Variants in MTUS1 observed in about 807,000 individuals in gnomAD.
The protein encoded by MTUS1 is microtubule associated scaffold protein 1, also known as microtubule-associated tumor suppressor 1.
In MTUS1, 109 loss-of-function variants were observed where a neutral mutation model predicts 120.8. The ratio of observed to expected loss-of-function variants is 0.90; its 90% confidence interval spans 0.77 to 1.06. MTUS1 has a LOEUF of 1.06. Among genes scored for constraint, MTUS1 ranks in the 50% least tolerant of loss-of-function variants. The pLI is 0.00. For synonymous variants in MTUS1, 737 were observed against 550.5 expected (o/e 1.34, Z -4.74); for missense variants, 2,210 against 1,486.3 (o/e 1.49, Z -8.01).
chr8:17,722,410 G>C, intron 4 of MTUS1: 1 of 984,142 alleles, frequency 1.0e-6, no homozygotes, highest in Non-Finnish European at 1.2e-6. Context: ...AATAATACAC[G>C]TGTGAATTAC....
chr8:17,683,056 G>T (rs886252938), intron 7 of MTUS1, among the ~76,000 whole-genome samples: 1 of 152,154 alleles, frequency 6.6e-6, no homozygotes, highest in Non-Finnish European at 1.5e-5. Context: ...ACAGATCACA[G>T]GGTCAGGAGA....
chr8:17,708,530 A>G (rs553365854), intron 6 of MTUS1, among the ~76,000 whole-genome samples: 1 of 152,320 alleles, frequency 6.6e-6, no homozygotes, highest in African/African-American at 2.4e-5. Context: ...CACTTTGGAA[A>G]ACAGCCTGGA....
intron 3 of MTUS1, among the ~76,000 whole-genome samples, chr8:17,733,450 T>C (rs970388516): frequency 6.6e-6 from 1 of 152,128 alleles, no homozygotes; most frequent in African/African-American, 2.4e-5. Context: ...CAAATAGTCA[T>C]AAATTTTTAA....
At chr8:17,789,659 G>A (rs1322614520) in intron 1 of MTUS1, among the ~76,000 whole-genome samples, 2 of 152,076 alleles carry the variant, frequency 1.3e-5, no homozygotes, top group East Asian at 1.9e-4. Flanking sequence ...ATTAAACATC[G>A]ACTTCCTGCA....
rs1563198651 is a variant in MTUS1, at chr8:17,684,458, A to G, written c.2708T>C (p.Leu903Pro). 1 of 1,614,200 alleles carries G rather than the reference A, an allele frequency of 6.2e-7. No individual in the cohort carries two copies. Among genetic ancestry groups the G allele is most frequent in the Non-Finnish European group, 8.5e-7 (1 of 1,180,018 alleles). The change falls in exon 7 of 15, where the codon CTT becomes CCT. Residue 903 changes from leucine (L) to proline (P), a missense_variant. Coordinates refer to ENST00000693296, the MANE Select transcript of MTUS1 (RefSeq NM_001363059.2). ...APDALPPEKT[L>P]ELTQYKTKCE... The stretch of plus-strand genomic sequence containing the variant: ...TTTTGTTTTATATTGCGTCAATTCA[A>G]GTGTTTTCTCAGGGGGCAGCGCATC...
At position 17,756,865 on chromosome 8, in the gene MTUS1, G is replaced by C. The variant is rs374170141; in HGVS notation, c.-154-904C>G. The stretch of plus-strand genomic sequence containing the variant: ...AAATTAGGGTACACTGAGAAGAGTA[G>C]GAGAGCTCTCACCAAAAACCAAACC... On this transcript the variant is annotated intron_variant, in intron 1 of 14. Transcript: ENST00000693296. 5.3e-5 allele frequency among the ~76,000 whole-genome samples: 8 copies of C among 152,240 alleles called. No individual in the cohort carries two copies. In the East Asian group the frequency reaches 9.7e-4, roughly 18 times the overall value.
At chr8:17,725,165 T>A (rs1015061397) in intron 3 of MTUS1, among the ~76,000 whole-genome samples, 2 of 152,160 alleles carry the variant, frequency 1.3e-5, no homozygotes, top group Non-Finnish European at 2.9e-5. Flanking sequence ...CAGTACCACC[T>A]AACTGAAGAC....
intron 6 of MTUS1, among the ~76,000 whole-genome samples, chr8:17,703,418 G>C (rs563382508): frequency 1.3e-5 from 2 of 152,158 alleles, no homozygotes; most frequent in African/African-American, 2.4e-5. Flanking sequence ...CAGATCACGA[G>C]GTCAGGAGAT....
chr8:17,734,221 C>T (rs546256296), intron 3 of MTUS1: 3 of 152,338 alleles, frequency 2.0e-5, no homozygotes, highest in East Asian at 1.9e-4. Context: ...CACGCTCTAT[C>T]TGTTAAGTAA....
At position 17,754,820 on chromosome 8, in the gene MTUS1, G is replaced by C. The variant is rs758466030; in HGVS notation, c.988C>G (p.His330Asp). Reference sequence around the variant, plus strand: ...CTCAGATTTTGGCCCATTTCCTTGTGCCTGTATGAGCTCTGTGAATGTGGT... The same window carrying C: ...CTCAGATTTTGGCCCATTTCCTTGTCCCTGTATGAGCTCTGTGAATGTGGT... ...SEPHSQSSYRHKEMGQNLRET... is the reference protein window; with the variant it reads ...SEPHSQSSYRDKEMGQNLRET... Residue 330 changes from histidine (H) to aspartate (D), a missense_variant, in exon 2 of 15, where the codon CAC (histidine) becomes GAC (aspartate). Physicochemically the swap from His to Asp is moderately conservative, Grantham distance 81 (BLOSUM62 -1). Coordinates refer to ENST00000693296, the MANE Select transcript of MTUS1 (RefSeq NM_001363059.2). The C allele has an allele frequency of 1.2e-6, 2 of 1,614,194 alleles. No individual in the cohort carries two copies. The highest frequency in any genetic ancestry group is 1.7e-6 in the Non-Finnish European group (2 of 1,180,040).
chr8:17,686,657 T>C (rs1815873203), intron 6 of MTUS1, among the ~76,000 whole-genome samples: 1 of 152,214 alleles, frequency 6.6e-6, no homozygotes, highest in South Asian at 2.1e-4. Flanking sequence ...TTTAAAACTG[T>C]TGGTTTATAA....
At chr8:17,688,099 G>C (rs1390429932) in intron 6 of MTUS1, among the ~76,000 whole-genome samples, 1 of 152,156 alleles carries the variant, frequency 6.6e-6, no homozygotes, top group Non-Finnish European at 1.5e-5. Context: ...AATCAAGTTA[G>C]AGACCAGACC....
chr8:17,685,733 G>A (rs1283351512), intron 6 of MTUS1, among the ~76,000 whole-genome samples: 1 of 152,088 alleles, frequency 6.6e-6, no homozygotes, highest in Non-Finnish European at 1.5e-5. Flanking sequence ...TGCATTACAT[G>A]GTTAAATAAG....
intron 1 of MTUS1, among the ~76,000 whole-genome samples, chr8:17,771,825 A>G (rs1438882217): frequency 6.6e-6 from 1 of 152,236 alleles, no homozygotes; most frequent in Non-Finnish European, 1.5e-5. Flanking sequence ...GGCTGAGTTC[A>G]TTTAACCCAA....
At chr8:17,726,114 C>T (rs1481258836) in intron 3 of MTUS1, among the ~76,000 whole-genome samples, 1 of 152,136 alleles carries the variant, frequency 6.6e-6, no homozygotes, top group African/African-American at 2.4e-5. Flanking sequence ...ATCCCCTCCC[C>T]TATTTCTGTC....
At chr8:17,759,952 T>C (rs1004877262) in intron 1 of MTUS1, among the ~76,000 whole-genome samples, 1 of 151,940 alleles carries the variant, frequency 6.6e-6, no homozygotes, top group Non-Finnish European at 1.5e-5. Context: ...CTCATGCCTG[T>C]AATCTCAGCA....
Position 17,654,550 on chromosome 8 carries a change from A to C in MTUS1, c.3214+11T>G. ...TTTATTCTGTTTAAAGAGGAAAAAA[A>C]GCATCCTTGCCTGAAAGGGAGGCTT... On this transcript the variant is annotated intron_variant, in intron 10 of 14. Transcript: ENST00000693296. 6.4e-7 allele frequency: 1 copy of C among 1,550,874 alleles called. No homozygotes were observed. Among genetic ancestry groups the C allele is most frequent in the Non-Finnish European group, 8.9e-7 (1 of 1,122,950 alleles).
intron 1 of MTUS1, among the ~76,000 whole-genome samples, chr8:17,757,405 A>G (rs1226162720): frequency 1.3e-5 from 2 of 152,246 alleles, no homozygotes; most frequent in Non-Finnish European, 2.9e-5. Flanking sequence ...AGTATGTTCT[A>G]AAACTATGTA....
intron 8 of MTUS1, among the ~76,000 whole-genome samples, chr8:17,662,129 G>C (rs1809869350): frequency 6.6e-6 from 1 of 152,040 alleles, no homozygotes; most frequent in South Asian, 2.1e-4. Context: ...GCTTAGGAGA[G>C]ATTTATGGTG....
Sources: gnomAD v4.1 joint callset for allele counts (sites outside exome capture counted in the v4.1 genomes callset) on GRCh38, gnomAD v4.1.1 for gene constraint, MANE v1.5 for transcripts, NCBI Gene and HGNC (gene_info 2026-07-23, HGNC 2026-07-21) for gene names.